The following RASGEF1C variants were observed in gnomAD, a reference collection of about 807,000 sequenced individuals.
The protein encoded by RASGEF1C is ras-GEF domain-containing family member 1C.
RASGEF1C carries 27 observed loss-of-function variants against 58.1 expected under a neutral mutation model. The observed-to-expected ratio is 0.46, with a 90% CI of 0.34 to 0.64. RASGEF1C has a LOEUF of 0.64. Among genes scored for constraint, RASGEF1C ranks in the 30% least tolerant of loss-of-function variants. RASGEF1C has a pLI of 0.01. For missense variants in RASGEF1C, 502 were observed against 605.1 expected (o/e 0.83, Z 1.79); for synonymous variants, 243 against 246.3 (o/e 0.99, Z 0.13).
chr5:180,126,427 C>T (rs187539509), intron 6 of RASGEF1C, among the ~76,000 whole-genome samples: 15 of 152,190 alleles, frequency 9.9e-5, no homozygotes, highest in African/African-American at 1.4e-4. Flanking sequence ...AAAAATCTCC[C>T]TCCCGTTCCT....
At chr5:180,127,548 C>T (rs1766283742) in intron 6 of RASGEF1C, 61 bp downstream of exon 6, 1 of 1,500,230 alleles carries the variant, frequency 6.7e-7, no homozygotes, top group East Asian at 2.4e-5. Flanking sequence ...GCGGGCTCCC[C>T]GGAGAGCGGC....
chr5:180,135,580 G>T (rs1206598021), intron 4 of RASGEF1C, among the ~76,000 whole-genome samples: 2 of 152,200 alleles, frequency 1.3e-5, no homozygotes, highest in African/African-American at 4.8e-5. Context: ...GAGACGTCTA[G>T]CTCCATAATC....
intron 1 of RASGEF1C, among the ~76,000 whole-genome samples, chr5:180,189,923 CA>C (rs71001085): frequency 0.16 from 5,763 of 36,484 alleles, 26 homozygotes; most frequent in Admixed American, 0.21. Flanking sequence ...AACTCCATCT[CA>C]AAAAAAAAAA....
At position 180,118,870 on chromosome 5, in the gene RASGEF1C, G is replaced by A; in HGVS notation, c.908-4C>T. 1.2e-6 allele frequency: 2 copies of A among 1,614,078 alleles called. No individual in the cohort carries two copies. Among genetic ancestry groups the A allele is most frequent in the South Asian group, 2.2e-5 (2 of 91,080 alleles). ...ACAGGGCTCATGTTCATGCCGGCTG[G>A]AAGAGGGAGGAGGGTTGGAGAGGGC... On this transcript the variant is annotated splice_polypyrimidine_tract_variant and splice_region_variant and intron_variant, in intron 8 of 13. Coordinates refer to ENST00000361132, the MANE Select transcript of RASGEF1C (RefSeq NM_175062.4).
intron 1 of RASGEF1C, among the ~76,000 whole-genome samples, chr5:180,165,845 G>T (rs1344902509): frequency 6.8e-6 from 1 of 146,136 alleles, no homozygotes; most frequent in African/African-American, 2.5e-5. Context: ...TGCCTCCCGG[G>T]TTCATACCAT....
chr5:180,120,411 T>G (rs767630180), intron 7 of RASGEF1C, among the ~76,000 whole-genome samples: 1 of 152,192 alleles, frequency 6.6e-6, no homozygotes, highest in Non-Finnish European at 1.5e-5. Context: ...TGCCCCATAC[T>G]CAGTCTCAGC....
In RASGEF1C at chr5:180,130,280, G is replaced by C. The variant is rs146553500; in HGVS notation, c.439-1670C>G. Among the ~76,000 whole-genome samples the C allele has an allele frequency of 8.6e-3, 1,314 of 152,288 alleles. 20 individuals carry two copies. Among genetic ancestry groups the C allele is most frequent in the African/African-American group, 0.03 (1,252 of 41,536 alleles). The stretch of plus-strand genomic sequence containing the variant: ...AATTGAAGTGGCCTGCTTCCTCTGC[G>C]GGGTAGGGGGCAGGGGGCCCATGGA... On this transcript the variant is annotated intron_variant, in intron 4 of 13. Transcript: ENST00000361132.
intron 1 of RASGEF1C, among the ~76,000 whole-genome samples, chr5:180,170,663 G>A (rs150541301): frequency 0.014 from 2,147 of 152,224 alleles, 26 homozygotes; most frequent in Non-Finnish European, 0.019. Context: ...TGGCAGTCAC[G>A]AGCCACACCT....
chr5:180,102,016 T>G (rs1383305526), intron 13 of RASGEF1C, 55 bp downstream of exon 13: 1 of 898,102 alleles, frequency 1.1e-6, no homozygotes, highest in African/African-American at 1.6e-5. Flanking sequence ...AAGACTCACC[T>G]TAGAGCTTTC....
chr5:180,116,362 AC>A (rs1270478847), intron 10 of RASGEF1C, among the ~76,000 whole-genome samples: 1 of 152,058 alleles, frequency 6.6e-6, no homozygotes, highest in East Asian at 1.9e-4. Flanking sequence ...TGCTACGACC[AC>A]CGAGATCTCC....
In RASGEF1C at chr5:180,112,443, C is replaced by T. The variant is rs983754094; in HGVS notation, c.1180-863G>A. Among the ~76,000 whole-genome samples, 7 of 152,358 alleles carry T rather than the reference C, an allele frequency of 4.6e-5. No homozygotes were observed. The South Asian group carries it at 8.3e-4, about 18-fold the overall frequency. The stretch of plus-strand genomic sequence containing the variant: ...ACAGCCCACGGAGGCCATGCTGCAC[C>T]TCTACCCCCAGCCCCTCTCTGGGCT... On this transcript the variant is annotated intron_variant, in intron 11 of 13. Transcript: ENST00000361132.
At chr5:180,130,981 C>T (rs758336691) in intron 4 of RASGEF1C, among the ~76,000 whole-genome samples, 5 of 152,182 alleles carry the variant, frequency 3.3e-5, no homozygotes, top group South Asian at 2.1e-4. Flanking sequence ...TCCTCGACCC[C>T]GCCCTCTCCC....
chr5:180,195,403 G>A (rs1284491124), intron 1 of RASGEF1C, among the ~76,000 whole-genome samples: 1 of 152,172 alleles, frequency 6.6e-6, no homozygotes, highest in Non-Finnish European at 1.5e-5. Context: ...CAACATGACT[G>A]TGAAAATGAC....
intron 1 of RASGEF1C, among the ~76,000 whole-genome samples, chr5:180,192,174 T>G (rs1414199451): frequency 6.6e-6 from 1 of 152,218 alleles, no homozygotes; most frequent in East Asian, 1.9e-4. Context: ...CTAGTGACCT[T>G]GATCACACGG....
intron 4 of RASGEF1C, 63 bp downstream of exon 4, chr5:180,136,315 G>A: frequency 4.0e-6 from 6 of 1,493,098 alleles, no homozygotes; most frequent in Non-Finnish European, 5.4e-6. Flanking sequence ...TGCGGGCCGG[G>A]AACAGGCGCA....
At chr5:180,204,005 AACAAAC>A (rs1466410949) in intron 1 of RASGEF1C, among the ~76,000 whole-genome samples, 5 of 73,092 alleles carry the variant, frequency 6.8e-5, no homozygotes, top group African/African-American at 2.3e-4. Context: ...AAAACAAACA[AACAAAC>A]AACAACAACA....
intron 1 of RASGEF1C, among the ~76,000 whole-genome samples, chr5:180,181,612 A>G (rs1767327898): frequency 6.6e-6 from 1 of 152,198 alleles, no homozygotes; most frequent in Non-Finnish European, 1.5e-5. Flanking sequence ...AGGAATGCAG[A>G]AGATTTCTAA....
At chr5:180,153,071 G>A (rs1197460084) in intron 1 of RASGEF1C, among the ~76,000 whole-genome samples, 1 of 152,128 alleles carries the variant, frequency 6.6e-6, no homozygotes. Flanking sequence ...GCTTTTGAAT[G>A]TTCTAGTCCT....
In RASGEF1C at chr5:180,118,814, C is replaced by T. The variant is rs765366182; in HGVS notation, c.960G>A (p.Val320=). The part of the protein sequence containing the change: ...VSRLKKTWAK[V]RTAKFFILEH... ...CGAGGATGAAAAACTTGGCCGTCCT[C>T]ACTTTGGCCCAGGTCTTCTTCAGCC... Residue 320 remains valine (V), a synonymous_variant, in exon 9 of 14, where the codon GTG becomes GTA. Transcript: ENST00000361132. 51 of 1,614,122 alleles carry T rather than the reference C, an allele frequency of 3.2e-5. No individual in the cohort carries two copies. Among genetic ancestry groups the T allele is most frequent in the Non-Finnish European group, 3.7e-5 (44 of 1,180,044 alleles).
Sources: allele counts gnomAD v4.1 joint callset (sites outside exome capture counted in the v4.1 genomes callset), GRCh38; gene constraint gnomAD v4.1.1; transcripts MANE v1.5; gene names NCBI Gene and HGNC (gene_info 2026-07-23, HGNC 2026-07-21).